Variants in ROBO2 observed in about 807,000 individuals in gnomAD.
ROBO2 encodes roundabout guidance receptor 2.
Under a neutral mutation model 160.8 loss-of-function variants are expected in ROBO2, and 53 were observed. That is an observed-to-expected ratio of 0.33 (90% CI 0.26 to 0.41). The LOEUF (loss-of-function observed/expected upper bound fraction) is 0.41, where lower values mean the gene tolerates loss of function less well. ROBO2 is among the 10% of genes least tolerant of loss of function. The pLI, the probability that ROBO2 is intolerant of heterozygous loss-of-function variation, is 1.00. For synonymous variants in ROBO2, 664 were observed against 611.7 expected (o/e 1.09, Z -1.26); for missense variants, 1,577 against 1,722.4 (o/e 0.92, Z 1.49).
chr3:76,097,078 G>T (rs2069483635), intron 2 of ROBO2, among the ~76,000 whole-genome samples: 1 of 152,088 alleles, frequency 6.6e-6, no homozygotes, highest in African/African-American at 2.4e-5. Context: ...AGTGACCCCA[G>T]GTTGGTCAGT....
chr3:76,469,975 A>G (rs1055111396), intron 2 of ROBO2, among the ~76,000 whole-genome samples: 1 of 152,324 alleles, frequency 6.6e-6, no homozygotes, highest in Non-Finnish European at 1.5e-5. Context: ...AAAATATACT[A>G]TTCTGCAAGC....
chr3:77,402,502 G>A (rs1182102237), intron 2 of ROBO2, among the ~76,000 whole-genome samples: 2 of 152,130 alleles, frequency 1.3e-5, no homozygotes, highest in Non-Finnish European at 2.9e-5. Flanking sequence ...CAATCTCCCA[G>A]TAAACAGAAA....
intron 2 of ROBO2, among the ~76,000 whole-genome samples, chr3:77,413,406 G>C (rs1298921036): frequency 6.6e-6 from 1 of 152,144 alleles, no homozygotes; most frequent in Non-Finnish European, 1.5e-5. Context: ...GGTGAACTGA[G>C]AGCCATGAGC....
intron 2 of ROBO2, among the ~76,000 whole-genome samples, chr3:76,145,993 A>G (rs2071872339): frequency 6.6e-6 from 1 of 152,016 alleles, no homozygotes; most frequent in South Asian, 2.1e-4. Flanking sequence ...CGTTGATTCC[A>G]CTATTTCTTT....
chr3:77,321,416 T>C (rs1315850325), intron 2 of ROBO2, among the ~76,000 whole-genome samples: 1 of 151,654 alleles, frequency 6.6e-6, no homozygotes, highest in East Asian at 1.9e-4. Context: ...GCTTGGGCGG[T>C]TGAGATAGGA....
chr3:77,418,422 T>C (rs2153529617), intron 2 of ROBO2, among the ~76,000 whole-genome samples: 1 of 152,278 alleles, frequency 6.6e-6, no homozygotes, highest in South Asian at 2.1e-4. Context: ...TTTAAATTAA[T>C]CATGGCTCAA....
intron 2 of ROBO2, among the ~76,000 whole-genome samples, chr3:77,099,352 G>T (rs1262164271): frequency 2.0e-5 from 3 of 151,934 alleles, no homozygotes; most frequent in Non-Finnish European, 4.4e-5. Flanking sequence ...GAAGTTTTTC[G>T]TTCTCAGGCA....
At chr3:77,188,712 C>G (rs1051126645) in intron 2 of ROBO2, among the ~76,000 whole-genome samples, 5 of 151,838 alleles carry the variant, frequency 3.3e-5, no homozygotes, top group African/African-American at 1.2e-4. Flanking sequence ...TTACATCTCT[C>G]TACATTCTGT....
At chr3:76,051,620 C>T (rs1427089937) in intron 2 of ROBO2, among the ~76,000 whole-genome samples, 1 of 151,946 alleles carries the variant, frequency 6.6e-6, no homozygotes, top group Admixed American at 6.6e-5. Context: ...TTGTGTGGGG[C>T]TTTACAAATA....
intron 2 of ROBO2, among the ~76,000 whole-genome samples, chr3:76,581,814 G>C (rs1349698498): frequency 1.3e-5 from 2 of 152,064 alleles, no homozygotes; most frequent in East Asian, 1.9e-4. Context: ...AGAAAAGATT[G>C]GTTTAAAAAT....
chr3:76,445,478 CA>C (rs536793477), intron 2 of ROBO2, among the ~76,000 whole-genome samples: 62 of 152,268 alleles, frequency 4.1e-4, no homozygotes, highest in African/African-American at 1.4e-3. Flanking sequence ...GAGCTGGTAC[CA>C]TTCCTTCTGA....
At chr3:77,355,580 A>G (rs990959692) in intron 2 of ROBO2, among the ~76,000 whole-genome samples, 1 of 152,170 alleles carries the variant, frequency 6.6e-6, no homozygotes, top group African/African-American at 2.4e-5. Flanking sequence ...CTTATCTATC[A>G]TGAGTGCTAG....
chr3:77,118,875 C>A (rs2074459565), intron 2 of ROBO2, among the ~76,000 whole-genome samples: 1 of 152,126 alleles, frequency 6.6e-6, no homozygotes, highest in South Asian at 2.1e-4. Flanking sequence ...TTGCTTCTAG[C>A]CTATAAACCT....
intron 2 of ROBO2, among the ~76,000 whole-genome samples, chr3:76,111,271 C>T (rs2108236075): frequency 6.6e-6 from 1 of 152,080 alleles, no homozygotes; most frequent in Admixed American, 6.6e-5. Context: ...AGTGGTGCAG[C>T]TGCCAGCCAA....
intron 2 of ROBO2, among the ~76,000 whole-genome samples, chr3:76,558,634 A>G (rs1195181244): frequency 1.3e-5 from 2 of 152,076 alleles, no homozygotes; most frequent in Admixed American, 6.6e-5. Flanking sequence ...GTTTTTTTAG[A>G]TGTTGTACAG....
chr3:76,621,894 TTAAC>T (rs2089115402), intron 2 of ROBO2, among the ~76,000 whole-genome samples: 1 of 152,134 alleles, frequency 6.6e-6, no homozygotes, highest in Non-Finnish European at 1.5e-5. Context: ...TGTCAAATGA[TTAAC>T]TATACAAATA....
rs113738448 is a variant in ROBO2 at position 77,563,727 on chromosome 3, T to A, written c.1682+398T>A. The stretch of plus-strand genomic sequence containing the variant: ...GAAGCAGAGGACTCTGGCATTTATA[T>A]TCCTAATAATTAGAGCAGAACTTAA... On this transcript the variant is annotated intron_variant, in intron 11 of 25. Coordinates refer to ENST00000461745, the Ensembl canonical transcript of ROBO2. Among the ~76,000 whole-genome samples, 177 of 152,222 alleles carry A rather than the reference T, an allele frequency of 1.2e-3. 1 individual carries two copies. Among genetic ancestry groups the A allele is most frequent in the Middle Eastern group, 3.4e-3 (1 of 294 alleles).
intron 2 of ROBO2, among the ~76,000 whole-genome samples, chr3:77,279,328 GC>G: frequency 6.6e-6 from 1 of 151,932 alleles, no homozygotes; most frequent in Non-Finnish European, 1.5e-5. Context: ...CTTAATGACG[GC>G]ATTGCTTATA....
chr3:76,914,170 T>C (rs934477649), intron 2 of ROBO2, among the ~76,000 whole-genome samples: 4 of 152,186 alleles, frequency 2.6e-5, no homozygotes, highest in Non-Finnish European at 5.9e-5. Context: ...CCCTTAAATG[T>C]GCATATTCAT....
Sources: gnomAD v4.1 joint callset for allele counts (sites outside exome capture counted in the v4.1 genomes callset) on GRCh38, gnomAD v4.1.1 for gene constraint, MANE v1.5 for transcripts, NCBI Gene and HGNC (gene_info 2026-07-23, HGNC 2026-07-21) for gene names.